Variants in CALD1 observed in about 807,000 individuals in gnomAD.
The protein encoded by CALD1 is caldesmon 1.
CALD1 carries 33 observed loss-of-function variants against 99.9 expected under a neutral mutation model. That is an observed-to-expected ratio of 0.33 (90% CI 0.25 to 0.44). The LOEUF (loss-of-function observed/expected upper bound fraction) is 0.44. Among genes scored for constraint, CALD1 ranks in the 20% least tolerant of loss-of-function variants. The pLI, the probability that CALD1 is intolerant of heterozygous loss-of-function variation, is 1.00. For missense variants in CALD1, 861 were observed against 962.1 expected (o/e 0.89, Z 1.39); for synonymous variants, 310 against 325.0 (o/e 0.95, Z 0.50).
At chr7:134,711,724 GTGTC>G in the CALD1 span, among the ~76,000 whole-genome samples, 692 of 91,772 alleles carry the variant, frequency 7.5e-3, 5 homozygotes, top group African/African-American at 0.022. Flanking sequence ...GTGTGTGTGT[GTGTC>G]TCTCTCTCTG....
intron 3 of CALD1, chr7:134,891,329 A>T (rs1434631035): frequency 8.7e-7 from 1 of 1,148,198 alleles, no homozygotes. Flanking sequence ...ATCGCTAAAC[A>T]TGATGGGCTT....
intron 1 of CALD1, among the ~76,000 whole-genome samples, chr7:134,770,523 T>A (rs1796868467): frequency 6.6e-6 from 1 of 152,110 alleles, no homozygotes; most frequent in African/African-American, 2.4e-5. Context: ...TGTAGGTGTG[T>A]CGCTTCCATC....
intron 2 of CALD1, among the ~76,000 whole-genome samples, chr7:134,856,373 G>A (rs909447060): frequency 2.6e-5 from 4 of 152,166 alleles, no homozygotes; most frequent in South Asian, 4.1e-4. Flanking sequence ...GTAGCCAATG[G>A]GTAGCCACGC....
chr7:134,711,726 G>GTGTGTC, the CALD1 span, among the ~76,000 whole-genome samples: 14 of 96,742 alleles, frequency 1.4e-4, no homozygotes, highest in Middle Eastern at 5.1e-3. Flanking sequence ...GTGTGTGTGT[G>GTGTGTC]TCTCTCTCTC....
At chr7:134,966,959 A>G (rs1343332009) in intron 14 of CALD1, among the ~76,000 whole-genome samples, 1 of 152,044 alleles carries the variant, frequency 6.6e-6, no homozygotes, top group East Asian at 1.9e-4. Context: ...TGACAGCAGA[A>G]GGCTCTCCTC....
At chr7:134,891,408 G>A in intron 3 of CALD1, 1 of 1,283,766 alleles carries the variant, frequency 7.8e-7, no homozygotes. Flanking sequence ...GGAACGGGTT[G>A]GGAGGAGTAG....
At chr7:134,801,218 C>G (rs1246251904) in intron 1 of CALD1, among the ~76,000 whole-genome samples, 2 of 152,084 alleles carry the variant, frequency 1.3e-5, no homozygotes, top group South Asian at 4.1e-4. Context: ...ATTTAATATG[C>G]ATATATTACA....
chr7:134,718,566 G>T, the CALD1 span, among the ~76,000 whole-genome samples: 1 of 152,128 alleles, frequency 6.6e-6, no homozygotes, highest in Non-Finnish European at 1.5e-5. Context: ...TGATGTATCT[G>T]AGATGGGAGC....
Position 134,933,642 on chromosome 7 carries a change from A to G in CALD1, c.873A>G (p.Glu291=). The G allele has an allele frequency of 1.2e-6, 2 of 1,608,610 alleles. No individual in the cohort carries two copies. The highest frequency in any genetic ancestry group is 1.3e-5 in the African/African-American group (1 of 74,990). Residue 291 remains glutamate (E), a synonymous_variant, in exon 5 of 15, where the codon GAA becomes GAG. Transcript: ENST00000361675. ...KAEQDKKIAD[E]RARIEAEEKA... is the part of the protein sequence containing the mutation. The stretch of plus-strand genomic sequence containing the variant: ...AGCAAGACAAAAAGATAGCAGATGA[A>G]CGAGCAAGAATTGAAGCAGAAGAAA...
chr7:134,871,587 T>C (rs1452910), intron 3 of CALD1, among the ~76,000 whole-genome samples: 72,651 of 152,028 alleles, frequency 0.48, 17,849 homozygotes, highest in East Asian at 0.74. Flanking sequence ...ACATAACATG[T>C]ACCCCGTATG....
At chr7:134,752,649 C>T (rs1488573970) in intron 1 of CALD1, among the ~76,000 whole-genome samples, 1 of 152,108 alleles carries the variant, frequency 6.6e-6, no homozygotes, top group African/African-American at 2.4e-5. Context: ...CAATAAATTT[C>T]GAGCCTGATT....
chr7:134,903,578 G>T (rs1374804936), intron 3 of CALD1, among the ~76,000 whole-genome samples: 2 of 152,106 alleles, frequency 1.3e-5, no homozygotes, highest in Non-Finnish European at 2.9e-5. Flanking sequence ...GCAAGCTTTG[G>T]CATTTCTTGG....
At chr7:134,900,827 T>A (rs573073225) in intron 3 of CALD1, among the ~76,000 whole-genome samples, 1 of 151,940 alleles carries the variant, frequency 6.6e-6, no homozygotes, top group Non-Finnish European at 1.5e-5. Context: ...CTCTGAACAT[T>A]CCCCTCCCCA....
In CALD1 at chr7:134,935,390, T is replaced by C. The variant is rs144464461; in HGVS notation, c.1309-298T>C. Among the ~76,000 whole-genome samples, 228 of 152,296 alleles carry C rather than the reference T, an allele frequency of 1.5e-3. 3 individuals carry two copies. Among genetic ancestry groups the C allele is most frequent in the African/African-American group, 5.0e-3 (207 of 41,582 alleles). On this transcript the variant is annotated intron_variant, in intron 5 of 14. Transcript: ENST00000361675. ...TGTACAAGAGGCTCATGAACACAGC[T>C]AAAATTGAGACCATGAGCAAAGTGC...
chr7:134,883,738 A>G (rs997451504), intron 3 of CALD1, among the ~76,000 whole-genome samples: 1 of 152,250 alleles, frequency 6.6e-6, no homozygotes, highest in East Asian at 1.9e-4. Context: ...ATAAGGGTCA[A>G]ACTGCATTAG....
At chr7:134,832,021 C>T (rs903348907) in intron 1 of CALD1, among the ~76,000 whole-genome samples, 4 of 152,198 alleles carry the variant, frequency 2.6e-5, no homozygotes, top group African/African-American at 9.7e-5. Context: ...TTTTATAAGC[C>T]CGTCTTTTCC....
At chr7:134,865,443 C>T (rs908605403) in intron 2 of CALD1, among the ~76,000 whole-genome samples, 12 of 152,026 alleles carry the variant, frequency 7.9e-5, no homozygotes, top group Admixed American at 3.3e-4. Flanking sequence ...GTGCACAAAG[C>T]CTCACCTAGA....
At chr7:134,849,720 T>G (rs1422434403) in intron 2 of CALD1, among the ~76,000 whole-genome samples, 1 of 152,202 alleles carries the variant, frequency 6.6e-6, no homozygotes, top group Non-Finnish European at 1.5e-5. Context: ...AAGGGTGCTG[T>G]GATATTTTTA....
intron 3 of CALD1, among the ~76,000 whole-genome samples, chr7:134,927,545 G>C (rs1364156310): frequency 9.0e-4 from 85 of 94,126 alleles, no homozygotes; most frequent in African/African-American, 3.4e-3. Flanking sequence ...GAGTTAGACT[G>C]TGTCTCAAAA....
Sources: gnomAD v4.1 joint callset for allele counts (sites outside exome capture counted in the v4.1 genomes callset) on GRCh38, gnomAD v4.1.1 for gene constraint, MANE v1.5 for transcripts, NCBI Gene and HGNC (gene_info 2026-07-23, HGNC 2026-07-21) for gene names.